The following SLC6A11 variants were observed in gnomAD, a reference collection of about 807,000 sequenced individuals.
SLC6A11 encodes the protein solute carrier family 6 member 11.
SLC6A11 carries 25 observed loss-of-function variants against 74.8 expected under a neutral mutation model. That is an observed-to-expected ratio of 0.33 (90% CI 0.24 to 0.47). The LOEUF is 0.47. Ranked by LOEUF, SLC6A11 falls within the 20% of genes least tolerant of loss-of-function variation. The probability of loss-of-function intolerance (pLI) is 1.00; values close to 1 mark genes in which losing one functional copy is unlikely to be tolerated. For synonymous variants in SLC6A11, 330 were observed against 330.2 expected (o/e 1.00, Z 0.01); for missense variants, 574 against 837.0 (o/e 0.69, Z 3.88).
intron 10 of SLC6A11, among the ~76,000 whole-genome samples, chr3:10,930,931 C>G (rs1017571123): frequency 2.6e-5 from 4 of 152,180 alleles, no homozygotes; most frequent in African/African-American, 7.2e-5. Flanking sequence ...TCCGCCTTCT[C>G]GGAGGACTAT....
chr3:10,913,075 A>G, intron 7 of SLC6A11, among the ~76,000 whole-genome samples: 1 of 148,238 alleles, frequency 6.7e-6, no homozygotes, highest in Non-Finnish European at 1.5e-5. Flanking sequence ...TTTTTTTAAC[A>G]AATGGTTCTG....
chr3:10,865,619 C>G (rs745763818), intron 5 of SLC6A11, among the ~76,000 whole-genome samples: 1 of 152,196 alleles, frequency 6.6e-6, no homozygotes, highest in East Asian at 1.9e-4. Context: ...GCCAAGATCA[C>G]ACCACTGCAC....
intron 4 of SLC6A11, among the ~76,000 whole-genome samples, chr3:10,842,466 TATACTC>T (rs1321658628): frequency 6.6e-6 from 1 of 152,214 alleles, no homozygotes; most frequent in African/African-American, 2.4e-5. Context: ...GCTATTCTAT[TATACTC>T]ATAGATTCTC....
At chr3:10,932,076 C>T (rs933241768) in intron 10 of SLC6A11, among the ~76,000 whole-genome samples, 1 of 152,190 alleles carries the variant, frequency 6.6e-6, no homozygotes, top group African/African-American at 2.4e-5. Flanking sequence ...CGTTTGATTG[C>T]ATCCTCTAAG....
chr3:10,924,746 T>C (rs962272288), intron 8 of SLC6A11, among the ~76,000 whole-genome samples: 5 of 152,224 alleles, frequency 3.3e-5, no homozygotes, highest in African/African-American at 1.2e-4. Context: ...AGATACTCGA[T>C]GTCATTAACT....
chr3:10,873,459 GCTATCCTACCCTACCCTA>G (rs1694857517), intron 5 of SLC6A11, among the ~76,000 whole-genome samples: 1 of 109,042 alleles, frequency 9.2e-6, no homozygotes, highest in Non-Finnish European at 1.9e-5. Flanking sequence ...CCTATGGCAT[GCTATCCTACCCTACCCTA>G]CCATACCCTA....
chr3:10,931,968 C>T (rs895073804), intron 10 of SLC6A11, among the ~76,000 whole-genome samples: 3 of 152,190 alleles, frequency 2.0e-5, no homozygotes, highest in Non-Finnish European at 4.4e-5. Context: ...AGGAGGCTCT[C>T]CAGGTTTCAT....
intron 5 of SLC6A11, among the ~76,000 whole-genome samples, chr3:10,852,290 G>A (rs1028515501): frequency 4.6e-5 from 7 of 152,242 alleles, no homozygotes; most frequent in Admixed American, 1.3e-4. Flanking sequence ...CCCCTGCCCC[G>A]GGGCCCTGAA....
chr3:10,863,891 A>G (rs1575680431), intron 5 of SLC6A11, among the ~76,000 whole-genome samples: 1 of 152,098 alleles, frequency 6.6e-6, no homozygotes, highest in Non-Finnish European at 1.5e-5. Context: ...TCGGAGTTGA[A>G]TGGCTCTGAG....
intron 6 of SLC6A11, among the ~76,000 whole-genome samples, chr3:10,897,011 T>C (rs537624086): frequency 6.6e-6 from 1 of 152,214 alleles, no homozygotes; most frequent in Non-Finnish European, 1.5e-5. Context: ...GAGAGGCACA[T>C]CTCCCATGGT....
chr3:10,817,251 G>C (rs565478405), intron 1 of SLC6A11, among the ~76,000 whole-genome samples: 113 of 152,302 alleles, frequency 7.4e-4, no homozygotes, highest in African/African-American at 2.6e-3. Flanking sequence ...TATTTTACGG[G>C]TCTGAGAGTC....
At chr3:10,850,935 C>T (rs1694567174) in intron 5 of SLC6A11, among the ~76,000 whole-genome samples, 1 of 152,174 alleles carries the variant, frequency 6.6e-6, no homozygotes, top group Admixed American at 6.5e-5. Flanking sequence ...AGAGACACCT[C>T]TCAGGGTTTC....
At position 10,915,370 on chromosome 3, in the gene SLC6A11, C is replaced by A. The variant is rs1575701376; in HGVS notation, c.996-2959C>A. ...CTCCCATCAGCAGAAGAAAGCAAAT[C>A]CCCTGGGTGGCAATGCAAAAATTAG... is the stretch of plus-strand genomic sequence containing the variant. On this transcript the variant is annotated intron_variant, in intron 7 of 13. Coordinates refer to ENST00000254488, the MANE Select transcript of SLC6A11 (RefSeq NM_014229.3). This position sits in a 1 kb window ranked among gnomAD's most constrained non-coding sequence, Gnocchi z 4.3. Among the ~76,000 whole-genome samples the A allele has an allele frequency of 6.6e-6, 1 of 152,208 alleles. No individual in the cohort carries two copies. The highest frequency in any genetic ancestry group is 1.5e-5 in the Non-Finnish European group (1 of 68,032).
chr3:10,938,392 C>T lies in SLC6A11; in HGVS notation c.1889C>T (p.Thr630Met), dbSNP rs761889287. Residue 630 changes from threonine (T) to methionine (M), a missense_variant, in exon 14 of 14, where the codon ACG becomes ATG. By Grantham distance (81) the Thr-to-Met change is moderately conservative (BLOSUM62 -1). Transcript: ENST00000254488. ...ATCGCAGCCATCACAGAGAAGGAGA[C>T]GCACTTCTGAGCGGCCACCAGCCAT... ...GTIAAITEKE[T>M]HF is the part of the protein sequence containing the mutation. 70 of 1,598,656 alleles carry T rather than the reference C, an allele frequency of 4.4e-5. No homozygotes were observed. The highest frequency in any genetic ancestry group is 3.3e-4 in the Middle Eastern group (2 of 6,040).
At chr3:10,914,253 G>C (rs1695425514) in intron 7 of SLC6A11, among the ~76,000 whole-genome samples, 1 of 152,158 alleles carries the variant, frequency 6.6e-6, no homozygotes, top group Admixed American at 6.5e-5. Context: ...ATGTGGCAGG[G>C]CCTTGACTCT....
At chr3:10,855,814 G>A (rs1694632442) in intron 5 of SLC6A11, among the ~76,000 whole-genome samples, 1 of 152,182 alleles carries the variant, frequency 6.6e-6, no homozygotes, top group African/African-American at 2.4e-5. Context: ...GAGAAATAGG[G>A]GATTCCAGGG....
intron 5 of SLC6A11, among the ~76,000 whole-genome samples, chr3:10,866,344 T>C (rs11929135): frequency 0.052 from 7,883 of 152,242 alleles, 347 homozygotes; most frequent in African/African-American, 0.12. Context: ...GAAATGTCTT[T>C]ATTTGGGGCA....
intron 5 of SLC6A11, among the ~76,000 whole-genome samples, chr3:10,873,644 CCTGTCCAT>C: frequency 8.0e-6 from 1 of 125,716 alleles, no homozygotes; most frequent in African/African-American, 3.1e-5. Flanking sequence ...CCTGTCCTGT[CCTGTCCAT>C]CTATCCCGTC....
At chr3:10,834,362 T>C (rs1353145484) in intron 4 of SLC6A11, among the ~76,000 whole-genome samples, 4 of 151,742 alleles carry the variant, frequency 2.6e-5, no homozygotes, top group Admixed American at 6.6e-5. Context: ...GTTTTTTTTT[T>C]CAGCAGATGG....
Sources: gnomAD v4.1 joint callset for allele counts (sites outside exome capture counted in the v4.1 genomes callset) on GRCh38, gnomAD v4.1.1 for gene constraint, Gnocchi (gnomAD v3.1) non-coding constraint, MANE v1.5 for transcripts, NCBI Gene and HGNC (gene_info 2026-07-23, HGNC 2026-07-21) for gene names.